The following NOVA1 variants were observed in gnomAD, a reference collection of about 807,000 sequenced individuals.
The protein encoded by NOVA1 is RNA-binding protein Nova-1.
Under a neutral mutation model 38.0 loss-of-function variants are expected in NOVA1, and 7 were observed. The ratio of observed to expected loss-of-function variants is 0.18; its 90% confidence interval spans 0.10 to 0.35. The LOEUF is 0.35. Among genes scored for constraint, NOVA1 ranks in the 10% least tolerant of loss-of-function variants. NOVA1 has a pLI of 1.00. For synonymous variants in NOVA1, 270 were observed against 232.5 expected (o/e 1.16, Z -1.47); for missense variants, 460 against 616.0 (o/e 0.75, Z 2.68).
chr14:26,583,303 C>A (rs1333155929), intron 2 of NOVA1, among the ~76,000 whole-genome samples: 5 of 151,560 alleles, frequency 3.3e-5, no homozygotes, highest in Non-Finnish European at 5.9e-5. Context: ...ATGTATGCAA[C>A]TCTTAGCTAG....
chr14:26,556,829 A>T (rs1891512295), intron 2 of NOVA1, among the ~76,000 whole-genome samples: 1 of 152,248 alleles, frequency 6.6e-6, no homozygotes, highest in Admixed American at 6.5e-5. Context: ...AAGACACCTC[A>T]TTAAACAGAT....
rs1882006863 is a variant in NOVA1, at chr14:26,445,600, G to C, written c.*2359C>G. ...ATTAAATTCCAGATGAAATGCATGG[G>C]CTCCACAGTGGACTACTGGAATTTT... On this transcript the variant is annotated 3_prime_UTR_variant, in exon 5 of 5. Transcript: ENST00000539517. 6.6e-6 allele frequency: 1 copy of C among 152,016 alleles called. No individual in the cohort carries two copies. The highest frequency in any genetic ancestry group is 1.5e-5 in the Non-Finnish European group (1 of 68,000). 9.4% of individuals were successfully genotyped at this position (152,016 alleles called of 1,614,324 possible).
At chr14:26,505,730 C>A (rs1887597746) in intron 2 of NOVA1, among the ~76,000 whole-genome samples, 1 of 152,056 alleles carries the variant, frequency 6.6e-6, no homozygotes, top group African/African-American at 2.4e-5. Context: ...TCTAATTTTT[C>A]TTATTTTTGC....
intron 2 of NOVA1, among the ~76,000 whole-genome samples, chr14:26,566,623 TA>T (rs1453344360): frequency 2.0e-5 from 3 of 152,264 alleles, no homozygotes; most frequent in Middle Eastern, 3.4e-3. Context: ...AATAAGGCGA[TA>T]AATCCCATAA....
intron 2 of NOVA1, among the ~76,000 whole-genome samples, chr14:26,521,430 C>T (rs918497964): frequency 9.2e-5 from 14 of 152,142 alleles, no homozygotes; most frequent in African/African-American, 3.1e-4. Flanking sequence ...AAAACAGACT[C>T]ACGAACTCTA....
At chr14:26,486,148 T>C (rs1885867430) in intron 2 of NOVA1, among the ~76,000 whole-genome samples, 1 of 152,186 alleles carries the variant, frequency 6.6e-6, no homozygotes, top group Admixed American at 6.5e-5. Flanking sequence ...TATCAAGAAA[T>C]ATCTTGCAAT....
intron 4 of NOVA1, among the ~76,000 whole-genome samples, chr14:26,463,504 T>TA (rs747789134): frequency 3.7e-4 from 56 of 152,308 alleles, no homozygotes; most frequent in Admixed American, 1.4e-3. Flanking sequence ...CCCTCCTCTG[T>TA]AAATTGTCTT....
chr14:26,457,288 T>C (rs527601063), intron 4 of NOVA1, among the ~76,000 whole-genome samples: 7 of 152,194 alleles, frequency 4.6e-5, no homozygotes, highest in African/African-American at 1.4e-4. Flanking sequence ...ATGTTGGGGA[T>C]GTAGGGGTAA....
chr14:26,546,479 T>C (rs186228411), intron 2 of NOVA1, among the ~76,000 whole-genome samples: 110 of 152,314 alleles, frequency 7.2e-4, no homozygotes, highest in South Asian at 1.4e-3. Flanking sequence ...TGAGAACATC[T>C]GAGAATTTAA....
intron 2 of NOVA1, among the ~76,000 whole-genome samples, chr14:26,518,814 T>C (rs534565577): frequency 6.6e-6 from 1 of 152,080 alleles, no homozygotes; most frequent in African/African-American, 2.4e-5. Flanking sequence ...CATGGCTATA[T>C]TTGCATGACT....
chr14:26,477,041 G>A (rs1015658327), intron 3 of NOVA1, among the ~76,000 whole-genome samples: 1 of 152,054 alleles, frequency 6.6e-6, no homozygotes, highest in African/African-American at 2.4e-5. Context: ...ATAGCATATT[G>A]TTTACATTGT....
intron 2 of NOVA1, among the ~76,000 whole-genome samples, chr14:26,591,343 G>C (rs536631551): frequency 2.6e-5 from 4 of 151,628 alleles, no homozygotes; most frequent in South Asian, 2.1e-4. Context: ...GCAACTCTTT[G>C]ATAACACTAA....
chr14:26,547,679 T>A (rs2138626531), intron 2 of NOVA1, among the ~76,000 whole-genome samples: 1 of 152,208 alleles, frequency 6.6e-6, no homozygotes, highest in Middle Eastern at 3.4e-3. Context: ...TACTGATGAC[T>A]TCAGTAAATA....
At chr14:26,509,111 C>T (rs1488963374) in intron 2 of NOVA1, among the ~76,000 whole-genome samples, 1 of 152,082 alleles carries the variant, frequency 6.6e-6, no homozygotes, top group Non-Finnish European at 1.5e-5. Flanking sequence ...ACAATTCATA[C>T]AGAATATCGC....
chr14:26,478,210 G>C (rs749419519), intron 3 of NOVA1, among the ~76,000 whole-genome samples: 1 of 151,724 alleles, frequency 6.6e-6, no homozygotes, highest in Non-Finnish European at 1.5e-5. Context: ...ATATATGATA[G>C]CCTGTAAATC....
chr14:26,556,933 T>C (rs1891522710), intron 2 of NOVA1, among the ~76,000 whole-genome samples: 1 of 152,216 alleles, frequency 6.6e-6, no homozygotes, highest in Admixed American at 6.5e-5. Context: ...GTGGCTTAAG[T>C]ACTGGAGGTT....
chr14:26,567,470 A>AT (rs763142628), intron 2 of NOVA1, among the ~76,000 whole-genome samples: 8 of 151,706 alleles, frequency 5.3e-5, no homozygotes, highest in Middle Eastern at 3.5e-3. Context: ...AATTCTGTTT[A>AT]TTTTTTGTAG....
chr14:26,496,223 T>G (rs1015254765), intron 2 of NOVA1, among the ~76,000 whole-genome samples: 5 of 152,314 alleles, frequency 3.3e-5, no homozygotes, highest in African/African-American at 9.6e-5. Context: ...ATTGTGGTTT[T>G]GATTTGCATT....
chr14:26,566,828 G>A (rs576428851), intron 2 of NOVA1, among the ~76,000 whole-genome samples: 5 of 152,158 alleles, frequency 3.3e-5, no homozygotes, highest in Non-Finnish European at 7.4e-5. Flanking sequence ...TTAGAACACA[G>A]CAAAAATAAA....
Sources: allele counts gnomAD v4.1 joint callset (sites outside exome capture counted in the v4.1 genomes callset), GRCh38; gene constraint gnomAD v4.1.1; transcripts MANE v1.5; gene names NCBI Gene and HGNC (gene_info 2026-07-23, HGNC 2026-07-21).